Variants in MXRA8 observed in about 807,000 individuals in gnomAD.
MXRA8 encodes matrix remodeling associated 8.
A neutral mutation model predicts 51.4 loss-of-function variants in MXRA8; 44 were observed. That is an observed-to-expected ratio of 0.86 (90% CI 0.67 to 1.10). The LOEUF (loss-of-function observed/expected upper bound fraction) is 1.10, where lower values mean the gene tolerates loss of function less well. Ranked by LOEUF, MXRA8 falls within the 50% of genes least tolerant of loss-of-function variation. The pLI is 0.00. For synonymous variants in MXRA8, 369 were observed against 293.5 expected (o/e 1.26, Z -2.63); for missense variants, 765 against 638.9 (o/e 1.20, Z -2.13).
chr1:1,361,527 C>T (rs534366824), upstream of MXRA8: 377 of 540,444 alleles, frequency 7.0e-4, 3 homozygotes, highest in Admixed American at 2.8e-3. Flanking sequence ...CCTGAGGACG[C>T]GGCTTCCAGG....
chr1:1,354,232 C>A lies in MXRA8; in HGVS notation c.1106G>T (p.Gly369Val). 1 of 1,612,272 alleles carries A rather than the reference C, an allele frequency of 6.2e-7. No individual in the cohort carries two copies. The highest frequency in any genetic ancestry group is 8.5e-7 in the Non-Finnish European group (1 of 1,179,850). ...VLLAARRRRGGYEYSDQKSGK... is the reference protein window; with the variant it reads ...VLLAARRRRGVYEYSDQKSGK... ...CGACTTCTGGTCCGAGTATTCGTAGCCTGGGAAGGAGACTCACATTGGGGG... is the reference window on the plus strand; with the variant it reads ...CGACTTCTGGTCCGAGTATTCGTAGACTGGGAAGGAGACTCACATTGGGGG... Residue 369 changes from glycine to valine, a missense_variant and splice_region_variant, in exon 7 of 10, where the codon GGC becomes GTC. Coordinates refer to ENST00000309212, the MANE Select transcript of MXRA8 (RefSeq NM_032348.4).
intron 2 of MXRA8, among the ~76,000 whole-genome samples, chr1:1,356,238 G>A (rs1268793796): frequency 8.0e-6 from 1 of 124,640 alleles, no homozygotes; most frequent in African/African-American, 3.1e-5. Flanking sequence ...GGGAGGGGGA[G>A]TCCATGGGGG....
chr1:1,353,629 C>T lies in MXRA8; in HGVS notation c.1304G>A (p.Gly435Glu). The change falls in exon 10 of 10, where the codon GGG (glycine) becomes GAG (glutamate). Residue 435 changes from glycine to glutamate, a missense_variant and splice_region_variant. By Grantham distance (98) the Gly-to-Glu change is moderately conservative (BLOSUM62 -2). Transcript: ENST00000309212. ...LPAKYIDLDK[G>E]FRKENCK ...CTATTTGCAGTTCTCCTTCCGGAAC[C>T]CTGGAAGCCAAGGGCGCCAACGGGT... The T allele has an allele frequency of 6.4e-7, 1 of 1,564,198 alleles. No individual in the cohort carries two copies. Among genetic ancestry groups the T allele is most frequent in the Non-Finnish European group, 8.7e-7 (1 of 1,153,492 alleles).
At chr1:1,361,203 C>T (rs777480753), upstream of MXRA8, 8 of 703,164 alleles carry the variant, frequency 1.1e-5, no homozygotes, top group Non-Finnish European at 2.1e-5. Context: ...CAGAGACACA[C>T]ACAGACACAC....
At chr1:1,359,188 A>AG (rs1457437554), upstream of MXRA8, 1 of 985,236 alleles carries the variant, frequency 1.0e-6, no homozygotes, top group East Asian at 1.1e-4. Context: ...GAGCACTGGG[A>AG]GGCCTGGGGG....
chr1:1,356,669 G>A lies in MXRA8; in HGVS notation c.73+12C>T. 1 of 1,389,882 alleles carries A rather than the reference G, an allele frequency of 7.2e-7. No individual in the cohort carries two copies. The highest frequency in any genetic ancestry group is 9.5e-7 in the Non-Finnish European group (1 of 1,058,084). 86.1% of individuals were successfully genotyped at this position (1,389,882 alleles called of 1,614,324 possible). On this transcript the variant is annotated intron_variant, in intron 2 of 9. Coordinates refer to ENST00000309212, the MANE Select transcript of MXRA8 (RefSeq NM_032348.4). ...GGAGTGGGGGTGGGCAGCTGGGGCT[G>A]GGGTCACTAACCTGAGTGCAGGAGA...
Position 1,356,602 on chromosome 1 carries a change from A to AC in MXRA8, c.73+78dup, listed in dbSNP as rs554354230. The AC allele has an allele frequency of 6.1e-4, 472 of 775,564 alleles. 1 individual carries two copies. The African/African-American group carries it at 7.6e-3, about 13-fold the overall frequency. The allele number at this position is 775,564 out of a possible 1,614,324, so 48.0% of individuals were successfully genotyped here. ...AGTGGGGGAGGGGCAGGGCCTGAGGACCCCCGGGGGCTGGGCCTGGCAAGA... is the reference window on the plus strand; with the variant it reads ...AGTGGGGGAGGGGCAGGGCCTGAGGACCCCCCGGGGGCTGGGCCTGGCAAGA... On this transcript the variant is annotated intron_variant, in intron 2 of 9. Transcript: ENST00000309212.
chr1:1,358,935 C>A, upstream of MXRA8: 1 of 998,270 alleles, frequency 1.0e-6, no homozygotes, highest in Non-Finnish European at 1.2e-6. Flanking sequence ...GCAGGGTCCT[C>A]CCCTCAGTCT....
At chr1:1,357,917 G>C (rs1644163761) in intron 1 of MXRA8, among the ~76,000 whole-genome samples, 1 of 152,128 alleles carries the variant, frequency 6.6e-6, no homozygotes. Context: ...CCAGCAGTCT[G>C]TGCACCCCAG....
upstream of MXRA8, among the ~76,000 whole-genome samples, chr1:1,359,768 G>A (rs1047920581): frequency 2.0e-5 from 3 of 152,336 alleles, no homozygotes; most frequent in African/African-American, 4.8e-5. Flanking sequence ...GTCCTGGCCC[G>A]GGCGGCGACC....
chr1:1,356,893 C>T (rs1300348810), intron 1 of MXRA8, among the ~76,000 whole-genome samples, 189 bp from the exon 2 acceptor site: 1 of 152,150 alleles, frequency 6.6e-6, no homozygotes, highest in Admixed American at 6.5e-5. Flanking sequence ...CTTTGGATGG[C>T]ACCTGCCCTT....
chr1:1,358,655 G>C, upstream of MXRA8: 1 of 1,409,272 alleles, frequency 7.1e-7, no homozygotes, highest in South Asian at 1.6e-5. Flanking sequence ...TCTGGCTCCT[G>C]CCGGGCCCCT....
At chr1:1,356,797 C>A in intron 1 of MXRA8, 93 bp from the exon 2 acceptor site, 1 of 1,157,738 alleles carries the variant, frequency 8.6e-7, no homozygotes, top group Non-Finnish European at 1.1e-6. Context: ...CCTGTAGTCC[C>A]AAAGTGGATG....
At chr1:1,361,667 C>T (rs1420271460), upstream of MXRA8, 8 of 285,398 alleles carry the variant, frequency 2.8e-5, no homozygotes, top group South Asian at 7.8e-5. Flanking sequence ...TCGCCGCCGC[C>T]GCACCTGCCA....
At position 1,358,208 on chromosome 1, in the gene MXRA8, C is replaced by T. The variant is rs1000610776; in HGVS notation, c.49+248G>A. Among the ~76,000 whole-genome samples, 9 of 152,330 alleles carry T rather than the reference C, an allele frequency of 5.9e-5. No homozygotes were observed. In the South Asian group the frequency reaches 1.2e-3, roughly 21 times the overall value. The stretch of plus-strand genomic sequence containing the variant: ...GGGCCCCGAGGGAGACGCCGCCGTG[C>T]CTGGGCCCCCAGCCCTTCTTGGCCC... On this transcript the variant is annotated intron_variant, in intron 1 of 9. Transcript: ENST00000309212.
upstream of MXRA8, chr1:1,358,873 G>A: frequency 1.9e-6 from 2 of 1,031,858 alleles, no homozygotes; most frequent in Non-Finnish European, 2.3e-6. Context: ...ACTGTTGGGT[G>A]AGTGGCCCCT....
At chr1:1,361,231 G>C (rs113035485), upstream of MXRA8, 8,025 of 703,498 alleles carry the variant, frequency 0.011, 193 homozygotes, top group African/African-American at 0.058. Flanking sequence ...GACACACACA[G>C]AGACACGGAC....
Position 1,358,532 on chromosome 1 carries a change from C to T in MXRA8, c.-28G>A, listed in dbSNP as rs376238281. On this transcript the variant is annotated 5_prime_UTR_variant, in exon 1 of 10. Coordinates refer to ENST00000309212, the MANE Select transcript of MXRA8 (RefSeq NM_032348.4). ...CCCCCGCCCAGCCCCAGGCTTTGTC[C>T]CACTCGGCTCTAAGTCTCTCTCCAG... 6.2e-7 allele frequency: 1 copy of T among 1,607,894 alleles called. No homozygotes were observed. The highest frequency in any genetic ancestry group is 1.3e-5 in the African/African-American group (1 of 74,726).
chr1:1,353,469 T>C lies in MXRA8; in HGVS notation c.*135A>G. The C allele has an allele frequency of 6.6e-7, 1 of 1,506,084 alleles. No individual in the cohort carries two copies. 93.3% of individuals were successfully genotyped at this position (1,506,084 alleles called of 1,614,324 possible). On this transcript the variant is annotated 3_prime_UTR_variant, in exon 10 of 10. Transcript: ENST00000309212. ...GAGGGGTGTGGAGGCGGCCTCTGCA[T>C]ACGCCCAGGCCAAATTCCAGGAAAG...
Sources: allele counts gnomAD v4.1 joint callset (sites outside exome capture counted in the v4.1 genomes callset), GRCh38; gene constraint gnomAD v4.1.1; transcripts MANE v1.5; gene names NCBI Gene and HGNC (gene_info 2026-07-23, HGNC 2026-07-21).